Variants in COL23A1 observed in about 807,000 individuals in gnomAD.
The protein encoded by COL23A1 is collagen alpha-1(XXIII) chain.
A neutral mutation model predicts 99.3 loss-of-function variants in COL23A1; 97 were observed. The ratio of observed to expected loss-of-function variants is 0.98; its 90% CI spans 0.83 to 1.16. The LOEUF (loss-of-function observed/expected upper bound fraction) is 1.16. Among genes scored for constraint, COL23A1 ranks in the 50% most tolerant of loss-of-function variants. The pLI is 0.00. For synonymous variants in COL23A1, 320 were observed against 308.2 expected, an observed-to-expected ratio of 1.04 and a Z score of -0.40; for missense variants, 762 against 757.4, an observed-to-expected ratio of 1.01 and a Z score of -0.07.
chr5:178,476,647 C>T (rs888757262), intron 2 of COL23A1, among the ~76,000 whole-genome samples: 1 of 152,204 alleles, frequency 6.6e-6, no homozygotes, highest in Admixed American at 6.5e-5. Context: ...TCCACTGTGG[C>T]GCTGTAACCA....
intron 2 of COL23A1, among the ~76,000 whole-genome samples, chr5:178,444,902 C>A (rs1362316022): frequency 6.6e-6 from 1 of 152,198 alleles, no homozygotes; most frequent in Admixed American, 6.5e-5. Context: ...AAATATAATA[C>A]AGTAGCTTAC....
Position 178,329,453 on chromosome 5 carries a change from A to G in COL23A1, c.362-22534T>C, listed in dbSNP as rs568179031. Among the ~76,000 whole-genome samples, 15 of 152,242 alleles carry G rather than the reference A, an allele frequency of 9.9e-5. No homozygotes were observed. In the East Asian group the frequency reaches 2.5e-3, roughly 26 times the overall value. On this transcript the variant is annotated intron_variant, in intron 2 of 28. Coordinates refer to ENST00000390654, the MANE Select transcript of COL23A1 (RefSeq NM_173465.4). ...CTGCCAGCCAGGAGGCAGATAGTCC[A>G]CAGACCCCAAAAAGCACCCATGCCT...
intron 2 of COL23A1, among the ~76,000 whole-genome samples, chr5:178,513,199 G>A (rs1759308019): frequency 6.6e-6 from 1 of 152,214 alleles, no homozygotes; most frequent in Non-Finnish European, 1.5e-5. Flanking sequence ...GATGGCCACA[G>A]AGGTGGTGGC....
intron 2 of COL23A1, among the ~76,000 whole-genome samples, chr5:178,471,335 G>A (rs1280803741): frequency 3.3e-5 from 5 of 152,104 alleles, no homozygotes; most frequent in African/African-American, 4.8e-5. Flanking sequence ...TCAGCCTCCT[G>A]GGTTCAAGTG....
chr5:178,391,469 C>T (rs1468503908), intron 2 of COL23A1, among the ~76,000 whole-genome samples: 4 of 152,196 alleles, frequency 2.6e-5, no homozygotes, highest in African/African-American at 9.7e-5. Flanking sequence ...TTACTAAGCA[C>T]ATGAAGACAT....
At chr5:178,324,202 G>A (rs572276591) in intron 2 of COL23A1, among the ~76,000 whole-genome samples, 224 of 152,158 alleles carry the variant, frequency 1.5e-3, no homozygotes, top group African/African-American at 2.3e-3. Flanking sequence ...CCCCACCCCC[G>A]TTTCAGATTC....
At chr5:178,390,091 C>T (rs1247510607) in intron 2 of COL23A1, among the ~76,000 whole-genome samples, 1 of 152,208 alleles carries the variant, frequency 6.6e-6, no homozygotes, top group African/African-American at 2.4e-5. Context: ...TCTGTTCTCC[C>T]TCTCAAAGCT....
intron 5 of COL23A1, among the ~76,000 whole-genome samples, chr5:178,270,759 G>A (rs1360371322): frequency 6.6e-6 from 1 of 152,166 alleles, no homozygotes; most frequent in East Asian, 1.9e-4. Context: ...CTTCTGATGG[G>A]GCTAAGCCTG....
intron 2 of COL23A1, among the ~76,000 whole-genome samples, chr5:178,465,567 C>A (rs921743678): frequency 4.6e-5 from 7 of 152,156 alleles, no homozygotes; most frequent in South Asian, 2.1e-4. Context: ...GCACCCAGGG[C>A]AAGACTGGGC....
At chr5:178,325,163 T>A (rs564303195) in intron 2 of COL23A1, among the ~76,000 whole-genome samples, 14 of 152,230 alleles carry the variant, frequency 9.2e-5, no homozygotes, top group African/African-American at 3.4e-4. Flanking sequence ...CTCCCCAGGC[T>A]CCAGGCTCCA....
chr5:178,369,305 C>T (rs563638546), intron 2 of COL23A1, among the ~76,000 whole-genome samples: 1 of 152,298 alleles, frequency 6.6e-6, no homozygotes, highest in South Asian at 2.1e-4. Flanking sequence ...TGTTCAGACT[C>T]CTCTGGCTCC....
intron 2 of COL23A1, among the ~76,000 whole-genome samples, chr5:178,496,407 T>G (rs967311472): frequency 1.3e-4 from 20 of 152,170 alleles, no homozygotes; most frequent in African/African-American, 4.6e-4. Flanking sequence ...AAGGAATGCC[T>G]TCTTGTTCTA....
rs1319411181 is a variant in COL23A1 at position 178,585,365 on chromosome 5, C to T, written c.294+4539G>A. 1.4e-5 allele frequency among the ~76,000 whole-genome samples: 2 copies of T among 146,990 alleles called. 1 individual carries two copies. The highest frequency in any genetic ancestry group is 3.0e-5 in the Non-Finnish European group (2 of 67,082). ...ACGCTCAGGTAACACTCTATGGCCCCAGCTGACTCTAGGGTAACACTCCGC... is the reference window on the plus strand; with the variant it reads ...ACGCTCAGGTAACACTCTATGGCCCTAGCTGACTCTAGGGTAACACTCCGC... On this transcript the variant is annotated intron_variant, in intron 1 of 28. Transcript: ENST00000390654.
chr5:178,572,361 A>C (rs1562101547), intron 1 of COL23A1, among the ~76,000 whole-genome samples: 1 of 152,162 alleles, frequency 6.6e-6, no homozygotes, highest in Non-Finnish European at 1.5e-5. Flanking sequence ...AAAAATTTTG[A>C]AGAATAGTCA....
At chr5:178,560,474 T>C (rs759211571) in intron 2 of COL23A1, among the ~76,000 whole-genome samples, 23 of 151,968 alleles carry the variant, frequency 1.5e-4, no homozygotes, top group African/African-American at 4.1e-4. Context: ...CCTCCACCAA[T>C]ACCACCCAGC....
intron 1 of COL23A1, among the ~76,000 whole-genome samples, chr5:178,582,273 C>T (rs188747837): frequency 5.3e-5 from 8 of 151,170 alleles, no homozygotes; most frequent in African/African-American, 9.7e-5. Flanking sequence ...TGCCATTTCC[C>T]GACCTGAGAG....
chr5:178,570,566 T>C (rs1011021759), intron 1 of COL23A1, among the ~76,000 whole-genome samples: 2 of 152,168 alleles, frequency 1.3e-5, no homozygotes, highest in Admixed American at 6.5e-5. Flanking sequence ...ATAGGCAACA[T>C]AGAGTGACAA....
rs544927120 is a variant in COL23A1 at position 178,584,366 on chromosome 5, T to C, written c.294+5538A>G. ...CACCTAGAAATAAATACATATAAATTTTTTTCTTTTTTTTAAATAGAGACG... is the reference window on the plus strand; with the variant it reads ...CACCTAGAAATAAATACATATAAATCTTTTTCTTTTTTTTAAATAGAGACG... On this transcript the variant is annotated intron_variant, in intron 1 of 28. Transcript: ENST00000390654. 2.0e-5 allele frequency among the ~76,000 whole-genome samples: 3 copies of C among 151,102 alleles called. No individual in the cohort carries two copies. The South Asian group carries it at 6.3e-4, about 32-fold the overall frequency.
chr5:178,529,354 C>T (rs143367654), intron 2 of COL23A1, among the ~76,000 whole-genome samples: 88 of 152,020 alleles, frequency 5.8e-4, no homozygotes, highest in Non-Finnish European at 1.0e-3. Flanking sequence ...GGGAACTGCA[C>T]GTGGCGTGAA....
Sources: gnomAD v4.1 joint callset for allele counts (sites outside exome capture counted in the v4.1 genomes callset) on GRCh38, gnomAD v4.1.1 for gene constraint, MANE v1.5 for transcripts, NCBI Gene and HGNC (gene_info 2026-07-23, HGNC 2026-07-21) for gene names.